PUM1: variants seen among roughly 807,000 people sequenced by gnomAD.
PUM1 encodes the protein pumilio RNA binding family member 1, also known as pumilio homolog 1.
A neutral mutation model predicts 131.8 loss-of-function variants in PUM1; 13 were observed. The observed-to-expected ratio is 0.10, with a 90% CI of 0.06 to 0.16. The LOEUF is 0.16. PUM1 is among the 10% of genes least tolerant of loss of function. The pLI is 1.00. For synonymous variants in PUM1, 509 were observed against 556.5 expected (o/e 0.91, Z 1.20); for missense variants, 961 against 1,512.4 (o/e 0.64, Z 6.05).
chr1:31,001,223 G>A (rs922072621), intron 5 of PUM1, among the ~76,000 whole-genome samples: 4 of 152,030 alleles, frequency 2.6e-5, no homozygotes, highest in Admixed American at 6.6e-5. Context: ...AAATTAGCTG[G>A]GTGTGGTGGC....
chr1:31,003,736 G>T (rs1359246619), intron 5 of PUM1, among the ~76,000 whole-genome samples: 1 of 152,070 alleles, frequency 6.6e-6, no homozygotes, highest in South Asian at 2.1e-4. Context: ...CAGTCTGGGC[G>T]ACAAGAGTGA....
chr1:31,061,034 T>G (rs2124019150), intron 1 of PUM1, among the ~76,000 whole-genome samples: 1 of 152,292 alleles, frequency 6.6e-6, no homozygotes, highest in East Asian at 1.9e-4. Context: ...TGTCACTGAT[T>G]TTTAAAAGCA....
intron 17 of PUM1, chr1:30,949,057 C>A (rs369671781): frequency 4.4e-6 from 2 of 454,872 alleles, no homozygotes; most frequent in African/African-American, 4.0e-5. Context: ...ACTGCCACTG[C>A]CAACACCAGT....
At chr1:31,053,860 C>T (rs1279822147) in intron 2 of PUM1, among the ~76,000 whole-genome samples, 3 of 151,894 alleles carry the variant, frequency 2.0e-5, no homozygotes, top group African/African-American at 7.3e-5. Context: ...TTTGGGAGGC[C>T]GAGGCAGGTG....
chr1:30,960,748 T>C (rs1460223109), intron 14 of PUM1, among the ~76,000 whole-genome samples: 2 of 152,120 alleles, frequency 1.3e-5, no homozygotes, highest in South Asian at 2.1e-4. Context: ...CAACTAGAAA[T>C]GCATGTGCAA....
intron 7 of PUM1, 66 bp downstream of exon 7, chr1:30,992,324 T>C: frequency 2.6e-6 from 4 of 1,564,362 alleles, no homozygotes; most frequent in Non-Finnish European, 3.5e-6. Context: ...CCCCCCATTC[T>C]TAATTACTTG....
chr1:30,933,259 G>A lies in PUM1; in HGVS notation c.3519C>T (p.Asn1173=), dbSNP rs779408906. 30 of 1,613,662 alleles carry A rather than the reference G, an allele frequency of 1.9e-5. No individual in the cohort carries two copies. The highest frequency in any genetic ancestry group is 5.0e-5 in the Admixed American group (3 of 59,950). The change falls in exon 22 of 22, where the codon AAC becomes AAT. Residue 1173 remains asparagine, a synonymous_variant. Transcript: ENST00000426105. The stretch of plus-strand genomic sequence containing the variant: ...CACAGATGGGCCCTAAGTCAACACC[G>A]TTCTTCATGTAGTACTTCTCCAGCT... ...LAKLEKYYMK[N]GVDLGPICGP...
chr1:31,033,486 G>A (rs189086193), intron 2 of PUM1, among the ~76,000 whole-genome samples: 29 of 145,710 alleles, frequency 2.0e-4, no homozygotes, highest in Admixed American at 1.4e-3. Flanking sequence ...TCTGCTTCCC[G>A]GGTTCACGCC....
chr1:30,968,306 G>A, intron 11 of PUM1, 48 bp downstream of exon 11: 1 of 1,589,510 alleles, frequency 6.3e-7, no homozygotes. Context: ...CCTCAAACGT[G>A]CAGCCTTTTT....
At position 30,941,990 on chromosome 1, in the gene PUM1, T is replaced by A. The variant is rs190258462; in HGVS notation, c.3120+8A>T. 980 of 1,561,986 alleles carry A rather than the reference T, an allele frequency of 6.3e-4. 2 individuals are homozygous for A. In the African/African-American group the frequency reaches 0.011, roughly 18 times the overall value. ...TGTTCGCAGTTCCTCTACTGGCAAC[T>A]CCACTACCTGTACAAGCTGCTCTGT... On this transcript the variant is annotated splice_region_variant and intron_variant, in intron 19 of 21. Transcript: ENST00000426105.
chr1:31,039,122 G>A (rs1643735420), intron 2 of PUM1, among the ~76,000 whole-genome samples: 1 of 147,256 alleles, frequency 6.8e-6, no homozygotes, highest in South Asian at 2.1e-4. Context: ...TCAGCTGCCT[G>A]AGTAGCTGGG....
intron 7 of PUM1, chr1:30,982,291 C>T (rs774103151): frequency 4.6e-5 from 7 of 152,148 alleles, no homozygotes; most frequent in Admixed American, 4.6e-4. Flanking sequence ...ACAAATGATA[C>T]CTGCTAGGCA....
At chr1:30,955,248 G>C (rs915167758) in intron 14 of PUM1, among the ~76,000 whole-genome samples, 3 of 147,440 alleles carry the variant, frequency 2.0e-5, no homozygotes, top group African/African-American at 5.0e-5. Flanking sequence ...AAGGTCGGGA[G>C]ATCAAGACCA....
intron 5 of PUM1, among the ~76,000 whole-genome samples, chr1:31,000,305 G>A (rs1370398441): frequency 1.3e-5 from 2 of 152,220 alleles, no homozygotes; most frequent in Non-Finnish European, 2.9e-5. Flanking sequence ...TTCTTTAGCT[G>A]AATGTTAACC....
intron 21 of PUM1, among the ~76,000 whole-genome samples, chr1:30,935,209 T>C (rs7514514): frequency 0.77 from 117,638 of 152,212 alleles, 46,404 homozygotes; most frequent in African/African-American, 0.92. Flanking sequence ...ACACTCCTCC[T>C]CCACTGAACT....
In PUM1 at chr1:30,966,209, A is replaced by T; in HGVS notation, c.1859T>A (p.Phe620Tyr). The change falls in exon 13 of 22, where the codon TTT becomes TAT. Residue 620 changes from phenylalanine to tyrosine, a missense_variant. This residue lies in a region of PUM1 where 654 missense variants were observed against 923.9 expected (regional missense o/e 0.71). Transcript: ENST00000426105. ...AGGCTGCTGTGTTCCTAAAGGGCGA[A>T]ATGGTCCATTTGTTGTTCCAGCAAG... ...GGLAGTTNGP[F>Y]RPLGTQQPQP... 6.2e-7 allele frequency: 1 copy of T among 1,613,958 alleles called. No individual in the cohort carries two copies. Among genetic ancestry groups the T allele is most frequent in the Admixed American group, 1.7e-5 (1 of 60,006 alleles).
At chr1:30,962,267 T>C (rs756950809) in intron 14 of PUM1, among the ~76,000 whole-genome samples, 5 of 152,208 alleles carry the variant, frequency 3.3e-5, no homozygotes, top group African/African-American at 4.8e-5. Context: ...CTAATAGTTA[T>C]TTCCTTCTTC....
intron 10 of PUM1, among the ~76,000 whole-genome samples, chr1:30,973,751 A>AT (rs914288916): frequency 8.6e-5 from 13 of 150,450 alleles, no homozygotes; most frequent in African/African-American, 2.4e-4. Flanking sequence ...ATTTAGGGTA[A>AT]TTTTTTTTTT....
chr1:30,935,636 A>C, intron 21 of PUM1: 1 of 450,254 alleles, frequency 2.2e-6, no homozygotes, highest in South Asian at 1.6e-5. Flanking sequence ...TGCCAACACC[A>C]GTGCAGTGGT....
Sources: allele counts gnomAD v4.1 joint callset (sites outside exome capture counted in the v4.1 genomes callset), GRCh38; gene constraint gnomAD v4.1.1; regional missense constraint gnomAD v4.1.1; transcripts MANE v1.5; gene names NCBI Gene and HGNC (gene_info 2026-07-23, HGNC 2026-07-21).